The following KIF7 variants were observed in gnomAD, a reference collection of about 807,000 sequenced individuals.
KIF7 encodes the protein kinesin-like protein KIF7.
A neutral mutation model predicts 135.7 loss-of-function variants in KIF7; 104 were observed. The ratio of observed to expected loss-of-function variants is 0.77; its 90% CI spans 0.65 to 0.90. The LOEUF is 0.90. KIF7 is among the 40% of genes least tolerant of loss of function. The probability of loss-of-function intolerance (pLI) is 0.00; values close to 1 mark genes in which losing one functional copy is unlikely to be tolerated. For synonymous variants in KIF7, 883 were observed against 809.4 expected (o/e 1.09, Z -1.54); for missense variants, 2,005 against 1,839.1 (o/e 1.09, Z -1.65).
downstream of KIF7, chr15:89,625,711 A>T (rs746677398): frequency 6.2e-7 from 1 of 1,612,968 alleles, no homozygotes; most frequent in Admixed American, 1.7e-5. Context: ...AGAAGTTAGT[A>T]AGAGTAAAGA....
intron 11 of KIF7, 99 bp downstream of exon 11, chr15:89,642,104 T>G: frequency 6.3e-6 from 8 of 1,264,058 alleles, no homozygotes; most frequent in Non-Finnish European, 9.0e-6. Context: ...GGTTCCACAG[T>G]GAACTTGGGC....
At chr15:89,624,667 T>C, downstream of KIF7, 1 of 1,614,006 alleles carries the variant, frequency 6.2e-7, no homozygotes, top group Non-Finnish European at 8.5e-7. Flanking sequence ...GCATGCATCC[T>C]CTCCTCTGCT....
At chr15:89,634,995 GCCT>G (rs1207689592) in intron 11 of KIF7, among the ~76,000 whole-genome samples, 1 of 152,230 alleles carries the variant, frequency 6.6e-6, no homozygotes, top group Non-Finnish European at 1.5e-5. Flanking sequence ...CAGGCAGACT[GCCT>G]CCTCAAGTGG....
chr15:89,629,403 G>A lies in KIF7; in HGVS notation c.3489C>T (p.Asn1163=), dbSNP rs756501313. The A allele has an allele frequency of 1.1e-5, 17 of 1,604,164 alleles. No homozygotes were observed. In the East Asian group the frequency reaches 1.6e-4, roughly 15 times the overall value. The change falls in exon 17 of 19, where the codon AAC becomes AAT. Residue 1163 remains asparagine (N), a synonymous_variant. Transcript: ENST00000394412. ...LTLQQKEHEQ[N]MQLLLQQSRD... Reference sequence around the variant, plus strand: ...GACTCTGCTGCAGGAGCAGCTGCATGTTCTGCTCGTGCTCCTTCTGCTGCA... The same window carrying A: ...GACTCTGCTGCAGGAGCAGCTGCATATTCTGCTCGTGCTCCTTCTGCTGCA...
intron 12 of KIF7, 131 bp downstream of exon 12, chr15:89,633,555 T>C (rs1963732436): frequency 2.0e-6 from 2 of 1,024,442 alleles, no homozygotes; most frequent in Admixed American, 4.4e-5. Flanking sequence ...AAAAACAGAC[T>C]CAGGCTAAGT....
At chr15:89,618,913 C>G (rs545582036) in intron 1 of KIF7, among the ~76,000 whole-genome samples, 3 of 152,158 alleles carry the variant, frequency 2.0e-5, no homozygotes, top group African/African-American at 7.2e-5. Context: ...GAGCTATGAT[C>G]GTGCCTCTGC....
chr15:89,630,163 G>A (rs976170562), intron 16 of KIF7, 124 bp downstream of exon 16: 6 of 894,050 alleles, frequency 6.7e-6, no homozygotes, highest in African/African-American at 1.6e-5. Flanking sequence ...CTGCAGATGA[G>A]TTGGTCCTGA....
downstream of KIF7, chr15:89,625,531 G>A (rs756091129): frequency 1.4e-5 from 22 of 1,613,538 alleles, no homozygotes; most frequent in East Asian, 2.2e-5. Flanking sequence ...TTTTGAGCTC[G>A]AGGGAGTGTG....
In KIF7 at chr15:89,633,814, G is replaced by A; in HGVS notation, c.2464C>T (p.Gln822Ter). 6.2e-7 allele frequency: 1 copy of A among 1,613,046 alleles called. No homozygotes were observed. The highest frequency in any genetic ancestry group is 8.5e-7 in the Non-Finnish European group (1 of 1,180,032). ...AGCTGCACGTTCCGCTCGAGCTCCTGCAGTCGCTTCTCACTCTGGGCCGAC... is the reference window on the plus strand; with the variant it reads ...AGCTGCACGTTCCGCTCGAGCTCCTACAGTCGCTTCTCACTCTGGGCCGAC... ...SLSAQSEKRL[Q>*]ELERNVQLMR... The change falls in exon 12 of 19, where the codon CAG (glutamine) becomes TAG (stop). Residue 822 changes from glutamine to a stop codon, truncating the protein, a stop_gained. Transcript: ENST00000394412. LOFTEE classifies it high-confidence loss of function.
chr15:89,619,777 A>G (rs747477402), intron 1 of KIF7: 2 of 1,614,006 alleles, frequency 1.2e-6, no homozygotes, highest in Non-Finnish European at 1.7e-6. Context: ...GCCTCCTTCT[A>G]TTCTGTGTCT....
chr15:89,650,573 T>C (rs1170922695), intron 2 of KIF7, among the ~76,000 whole-genome samples: 1 of 152,076 alleles, frequency 6.6e-6, no homozygotes, highest in African/African-American at 2.4e-5. Context: ...TTTGTATTGT[T>C]AGTAGAGATG....
intron 10 of KIF7, 136 bp from the exon 11 acceptor site, chr15:89,642,541 GT>G: frequency 1.6e-6 from 1 of 619,788 alleles, no homozygotes; most frequent in Non-Finnish European, 2.8e-6. Flanking sequence ...CAGTACCACA[GT>G]TTACTTAATA....
At chr15:89,638,710 C>T (rs1242614155) in intron 11 of KIF7, among the ~76,000 whole-genome samples, 1 of 151,054 alleles carries the variant, frequency 6.6e-6, no homozygotes, top group African/African-American at 2.4e-5. Flanking sequence ...ATGAAAATGG[C>T]CATACTGCCC....
Position 89,646,958 on chromosome 15 carries a change from G to A in KIF7, c.1660C>T (p.Leu554=), listed in dbSNP as rs1292993384. 6.2e-7 allele frequency: 1 copy of A among 1,613,694 alleles called. No homozygotes were observed. Among genetic ancestry groups the A allele is most frequent in the Admixed American group, 1.7e-5 (1 of 60,010 alleles). The part of the protein sequence containing the change: ...GWGGPRLLNG[L]PPGSFVPRPH... Reference sequence around the variant, plus strand: ...CGAGGCACAAAGGACCCGGGAGGCAGGCCATTCAGGAGCCGCGGGCCCCCC... The same window carrying A: ...CGAGGCACAAAGGACCCGGGAGGCAAGCCATTCAGGAGCCGCGGGCCCCCC... The change falls in exon 7 of 19, where the codon CTG becomes TTG. Residue 554 remains leucine (L), a synonymous_variant. Transcript: ENST00000394412.
intron 11 of KIF7, among the ~76,000 whole-genome samples, chr15:89,640,973 A>C (rs930720184): frequency 1.1e-4 from 17 of 152,332 alleles, no homozygotes; most frequent in Non-Finnish European, 1.9e-4. Flanking sequence ...ACAGCACTCC[A>C]GCCTGAGCAA....
chr15:89,658,823 C>T (rs185792538), upstream of KIF7, among the ~76,000 whole-genome samples: 4 of 151,894 alleles, frequency 2.6e-5, no homozygotes, highest in East Asian at 3.9e-4. Context: ...GTGATGGCGC[C>T]ACTGCACTCC....
chr15:89,623,218 T>G (rs1963454390), downstream of KIF7, among the ~76,000 whole-genome samples: 1 of 152,192 alleles, frequency 6.6e-6, no homozygotes. Context: ...AGTAAGCACA[T>G]GTTGAATGAG....
Position 89,632,939 on chromosome 15 carries a change from G to A in KIF7, c.2776C>T (p.Arg926Trp), listed in dbSNP as rs147407072. ...TCCCCCAGCTCCTCCAGCGCCCGCC[G>A]CTGCTGTAGCACCTTCTCCATCTCC... ...DQEMEKVLQQRRALEELGEEL... is the reference protein window; with the variant it reads ...DQEMEKVLQQWRALEELGEEL... Residue 926 changes from arginine to tryptophan, a missense_variant, in exon 14 of 19, where the codon CGG becomes TGG. Transcript: ENST00000394412. The A allele has an allele frequency of 5.3e-5, 83 of 1,558,556 alleles. No homozygotes were observed. Among genetic ancestry groups the A allele is most frequent in the East Asian group, 7.0e-5 (3 of 43,080 alleles).
At chr15:89,630,263 G>A in intron 16 of KIF7, 24 bp downstream of exon 16, 1 of 1,610,654 alleles carries the variant, frequency 6.2e-7, no homozygotes, top group Non-Finnish European at 8.5e-7. Context: ...GGAGGAGCTG[G>A]GGGGCCATGG....
Sources: allele counts gnomAD v4.1 joint callset (sites outside exome capture counted in the v4.1 genomes callset), GRCh38; gene constraint gnomAD v4.1.1; transcripts MANE v1.5; gene names NCBI Gene and HGNC (gene_info 2026-07-23, HGNC 2026-07-21).